The following MEF2C variants were observed in gnomAD, a reference collection of about 807,000 sequenced individuals.
MEF2C encodes the protein myocyte enhancer factor 2C.
Under a neutral mutation model 50.5 loss-of-function variants are expected in MEF2C, and 6 were observed. That is an observed-to-expected ratio of 0.12 (90% CI 0.07 to 0.23). The LOEUF (loss-of-function observed/expected upper bound fraction) is 0.23. MEF2C is among the 10% of genes least tolerant of loss of function. MEF2C has a pLI of 1.00. For synonymous variants in MEF2C, 183 were observed against 228.0 expected (o/e 0.80, Z 1.78); for missense variants, 276 against 605.0 (o/e 0.46, Z 5.70).
chr5:88,735,217 G>A (rs964452025), intron 6 of MEF2C: 4 of 985,388 alleles, frequency 4.1e-6, no homozygotes, highest in Non-Finnish European at 3.6e-6. Context: ...GAATGCTGCG[G>A]CCTGTGTTGA....
chr5:88,869,036 A>G (rs1175755821), intron 1 of MEF2C, among the ~76,000 whole-genome samples: 8 of 151,782 alleles, frequency 5.3e-5, no homozygotes, highest in African/African-American at 1.9e-4. Context: ...AGAACTCTAG[A>G]AAGATAATTT....
chr5:88,903,010 G>T (rs1835816561), intron 1 of MEF2C, among the ~76,000 whole-genome samples: 1 of 151,840 alleles, frequency 6.6e-6, no homozygotes, highest in Non-Finnish European at 1.5e-5. Context: ...AATTTGTAGA[G>T]AAATGCTGTG....
upstream of MEF2C, among the ~76,000 whole-genome samples, chr5:88,885,205 A>G (rs1304616158): frequency 6.6e-6 from 1 of 152,212 alleles, no homozygotes; most frequent in Non-Finnish European, 1.5e-5. Context: ...TGAGGACAGT[A>G]TGGTTCAAAA....
At chr5:88,867,751 A>G (rs1425140345) in intron 1 of MEF2C, among the ~76,000 whole-genome samples, 1 of 152,222 alleles carries the variant, frequency 6.6e-6, no homozygotes, top group African/African-American at 2.4e-5. Flanking sequence ...TATCAATTAT[A>G]TTTATAGAAG....
At chr5:88,795,749 C>T (rs1311137405) in intron 3 of MEF2C, among the ~76,000 whole-genome samples, 1 of 152,170 alleles carries the variant, frequency 6.6e-6, no homozygotes, top group Non-Finnish European at 1.5e-5. Context: ...CAGCTTTTGC[C>T]CACTCAGTAT....
At chr5:88,874,084 C>A (rs1184701643) in intron 1 of MEF2C, among the ~76,000 whole-genome samples, 1 of 151,838 alleles carries the variant, frequency 6.6e-6, no homozygotes, top group African/African-American at 2.4e-5. Context: ...AATCCGGTAC[C>A]TTAAAGAAGT....
chr5:88,734,576 T>TTTTTTTC (rs1561717528), intron 6 of MEF2C: 5 of 856,642 alleles, frequency 5.8e-6, no homozygotes, highest in Non-Finnish European at 6.8e-6. Flanking sequence ...TTTTTTTTTT[T>TTTTTTTC]TTTTTTTTTT....
rs971066848 is a variant in MEF2C at position 88,840,466 on chromosome 5, A to G, written c.-142-16536T>C. 7.2e-5 allele frequency among the ~76,000 whole-genome samples: 11 copies of G among 152,300 alleles called. No individual in the cohort carries two copies. In the East Asian group the frequency reaches 9.6e-4, roughly 13 times the overall value. On this transcript the variant is annotated intron_variant, in intron 1 of 10. Transcript: ENST00000504921. The stretch of plus-strand genomic sequence containing the variant: ...TCCAAAAATATACATAGTCCTTGAA[A>G]AGTGCTTTTGTTGTATATTCTTATC...
chr5:88,733,080 T>G (rs780136291), intron 6 of MEF2C: 1 of 985,190 alleles, frequency 1.0e-6, no homozygotes, highest in Non-Finnish European at 1.2e-6. Context: ...CAAGGCAGCG[T>G]AGGGTGAGGT....
intron 1 of MEF2C, among the ~76,000 whole-genome samples, chr5:88,867,064 G>A (rs1016514090): frequency 1.3e-5 from 2 of 152,074 alleles, no homozygotes; most frequent in African/African-American, 4.8e-5. Context: ...ATATATTTTC[G>A]CAAATAGTAA....
intron 1 of MEF2C, among the ~76,000 whole-genome samples, chr5:88,842,541 G>GAA (rs368624008): frequency 7.2e-6 from 1 of 139,094 alleles, no homozygotes; most frequent in African/African-American, 2.6e-5. Flanking sequence ...CAACAATATG[G>GAA]AAAAAAAAAA....
chr5:88,855,739 G>A (rs567830920), intron 1 of MEF2C, among the ~76,000 whole-genome samples: 162 of 152,314 alleles, frequency 1.1e-3, no homozygotes, highest in African/African-American at 3.7e-3. Flanking sequence ...GCCCTGTGAA[G>A]AGGTGCCTTC....
At chr5:88,765,831 C>T (rs115873451) in intron 3 of MEF2C, among the ~76,000 whole-genome samples, 67 of 152,316 alleles carry the variant, frequency 4.4e-4, no homozygotes, top group Middle Eastern at 3.4e-3. Context: ...TCTCTCCTTA[C>T]GTATCTGAAG....
At chr5:88,800,552 CTGAAGT>C (rs1271688659) in intron 3 of MEF2C, among the ~76,000 whole-genome samples, 2 of 152,166 alleles carry the variant, frequency 1.3e-5, no homozygotes, top group African/African-American at 4.8e-5. Context: ...TCAGATCATC[CTGAAGT>C]ACTCAACAAC....
intron 1 of MEF2C, among the ~76,000 whole-genome samples, chr5:88,871,143 A>G (rs1196160808): frequency 6.6e-6 from 1 of 152,000 alleles, no homozygotes; most frequent in East Asian, 1.9e-4. Flanking sequence ...TTACAATGCA[A>G]ATTTTAAACT....
chr5:88,871,923 G>C (rs188582), intron 1 of MEF2C, among the ~76,000 whole-genome samples: 81,513 of 151,756 alleles, frequency 0.54, 22,508 homozygotes, highest in African/African-American at 0.65. Context: ...AATAAGGGTA[G>C]CATTTGCTGG....
intron 1 of MEF2C, among the ~76,000 whole-genome samples, chr5:88,835,514 T>G (rs978722055): frequency 6.6e-6 from 1 of 151,988 alleles, no homozygotes; most frequent in African/African-American, 2.4e-5. Flanking sequence ...GAAAGCGTTT[T>G]TAAGAAAAAA....
chr5:88,768,524 T>A (rs1442746828), intron 3 of MEF2C: 1 of 183,034 alleles, frequency 5.5e-6, no homozygotes, highest in Admixed American at 6.5e-5. Flanking sequence ...TTTATGTATG[T>A]GTTTTTCTTC....
chr5:88,754,951 C>T (rs1459890732), intron 4 of MEF2C, among the ~76,000 whole-genome samples: 1 of 152,162 alleles, frequency 6.6e-6, no homozygotes, highest in East Asian at 1.9e-4. Flanking sequence ...GCATCACCTC[C>T]TTCAAGTCTC....
Sources: allele counts gnomAD v4.1 joint callset (sites outside exome capture counted in the v4.1 genomes callset), GRCh38; gene constraint gnomAD v4.1.1; transcripts MANE v1.5; gene names NCBI Gene and HGNC (gene_info 2026-07-23, HGNC 2026-07-21).